SYT1: variants seen among roughly 807,000 people sequenced by gnomAD.
SYT1 encodes synaptotagmin-1.
SYT1 carries 8 observed loss-of-function variants against 44.8 expected under a neutral mutation model. The observed-to-expected ratio is 0.18, with a 90% CI of 0.10 to 0.32. The LOEUF is 0.32. Among genes scored for constraint, SYT1 ranks in the 10% least tolerant of loss-of-function variants. SYT1 has a pLI of 1.00. For missense variants in SYT1, 286 were observed against 509.3 expected, an observed-to-expected ratio of 0.56 and a Z score of 4.22; for synonymous variants, 154 against 188.8, an observed-to-expected ratio of 0.82 and a Z score of 1.51.
Position 78,891,126 on chromosome 12 carries a change from G to T in SYT1, c.-217+26017G>T, listed in dbSNP as rs919162594. On this transcript the variant is annotated intron_variant, in intron 1 of 10. Coordinates refer to ENST00000261205, the MANE Select transcript of SYT1 (RefSeq NM_005639.3). ...TATTTTGTTTTGTTTTCATCTATCAGATCATTAGGCACAAAATGAGCTCTT... is the reference window on the plus strand; with the variant it reads ...TATTTTGTTTTGTTTTCATCTATCATATCATTAGGCACAAAATGAGCTCTT... 4.5e-4 allele frequency among the ~76,000 whole-genome samples: 68 copies of T among 151,754 alleles called. 1 individual carries two copies. The highest frequency in any genetic ancestry group is 1.6e-4 in the Non-Finnish European group (11 of 67,912).
intron 3 of SYT1, among the ~76,000 whole-genome samples, chr12:79,081,507 T>C (rs1315609398): frequency 6.6e-6 from 1 of 151,990 alleles, no homozygotes; most frequent in Non-Finnish European, 1.5e-5. Flanking sequence ...GCCTCCCAAG[T>C]AGCTGGGGTT....
chr12:78,880,953 C>G (rs1430037755), intron 1 of SYT1, among the ~76,000 whole-genome samples: 1 of 151,654 alleles, frequency 6.6e-6, no homozygotes, highest in African/African-American at 2.4e-5. Context: ...TAATCTCACA[C>G]TAATTATTGT....
At chr12:78,938,174 C>T (rs542905335) in intron 1 of SYT1, among the ~76,000 whole-genome samples, 1 of 152,242 alleles carries the variant, frequency 6.6e-6, no homozygotes, top group South Asian at 2.1e-4. Context: ...AGGGTCCCTC[C>T]TCTCCCTTTC....
At chr12:78,929,372 A>G (rs1487728815) in intron 1 of SYT1, among the ~76,000 whole-genome samples, 3 of 129,142 alleles carry the variant, frequency 2.3e-5, no homozygotes, top group Non-Finnish European at 4.8e-5. Context: ...AGTGTACTCC[A>G]GCTCATCAGC....
At chr12:79,124,024 A>T (rs895934311) in intron 3 of SYT1, among the ~76,000 whole-genome samples, 1 of 152,202 alleles carries the variant, frequency 6.6e-6, no homozygotes, top group Non-Finnish European at 1.5e-5. Flanking sequence ...AGGCACTGTG[A>T]CAAAAACCTG....
intron 1 of SYT1, among the ~76,000 whole-genome samples, chr12:78,891,001 T>C (rs2137073520): frequency 1.3e-5 from 2 of 152,094 alleles, no homozygotes; most frequent in South Asian, 4.1e-4. Context: ...TTAATTCTAC[T>C]GATTCCTCAT....
At chr12:79,129,572 G>A (rs1186806521) in intron 3 of SYT1, among the ~76,000 whole-genome samples, 2 of 152,142 alleles carry the variant, frequency 1.3e-5, no homozygotes, top group African/African-American at 4.8e-5. Flanking sequence ...TAATCTAGGA[G>A]GGATTACTTT....
At chr12:78,890,035 T>A (rs1440728941) in intron 1 of SYT1, among the ~76,000 whole-genome samples, 1 of 151,942 alleles carries the variant, frequency 6.6e-6, no homozygotes, top group Non-Finnish European at 1.5e-5. Flanking sequence ...TTTATTTGAT[T>A]AAAAGAAAAA....
chr12:78,999,189 G>A (rs1428146855), intron 2 of SYT1, among the ~76,000 whole-genome samples: 5 of 152,090 alleles, frequency 3.3e-5, no homozygotes, highest in Non-Finnish European at 7.4e-5. Flanking sequence ...ATCTACATTA[G>A]CATCATTCAA....
chr12:78,951,217 T>C (rs1390777234), intron 1 of SYT1, among the ~76,000 whole-genome samples: 8 of 152,144 alleles, frequency 5.3e-5, no homozygotes, highest in Admixed American at 6.6e-5. Context: ...TTTTCTTTTC[T>C]TTTGAGTAAA....
At chr12:79,423,832 A>G (rs996340952) in intron 9 of SYT1, among the ~76,000 whole-genome samples, 9 of 151,976 alleles carry the variant, frequency 5.9e-5, no homozygotes, top group African/African-American at 4.8e-5. Flanking sequence ...AGAGAGAGGA[A>G]GGTGAGAGTG....
chr12:78,883,416 A>G (rs1448152279), intron 1 of SYT1, among the ~76,000 whole-genome samples: 1 of 151,602 alleles, frequency 6.6e-6, no homozygotes. Context: ...TAATACTTTA[A>G]TGTGTGGTTT....
chr12:79,251,863 T>C (rs1877230565), intron 4 of SYT1, among the ~76,000 whole-genome samples: 1 of 152,184 alleles, frequency 6.6e-6, no homozygotes, highest in Non-Finnish European at 1.5e-5. Context: ...GTGTCTAATA[T>C]GCTGACTTCA....
intron 3 of SYT1, among the ~76,000 whole-genome samples, chr12:79,167,365 A>G (rs968194692): frequency 6.6e-6 from 1 of 151,994 alleles, no homozygotes; most frequent in Non-Finnish European, 1.5e-5. Flanking sequence ...ATTGAGAATC[A>G]GTTGTATAGA....
chr12:79,276,973 AGAGGAG>A (rs1037328321), intron 4 of SYT1, among the ~76,000 whole-genome samples: 1 of 138,562 alleles, frequency 7.2e-6, no homozygotes. Context: ...AGGAGGAGGA[AGAGGAG>A]GAGGAGGAGG....
At chr12:79,443,135 C>T (rs915350385) in intron 9 of SYT1, among the ~76,000 whole-genome samples, 2 of 152,220 alleles carry the variant, frequency 1.3e-5, no homozygotes, top group Admixed American at 1.3e-4. Context: ...CTTTAGGGAA[C>T]CTGCTCAGGG....
intron 3 of SYT1, among the ~76,000 whole-genome samples, chr12:79,186,859 C>T (rs1010380161): frequency 6.6e-6 from 1 of 151,960 alleles, no homozygotes; most frequent in Non-Finnish European, 1.5e-5. Flanking sequence ...AAAATAGTCA[C>T]GTTAATTATA....
chr12:79,098,931 C>A (rs1480156384), intron 3 of SYT1, among the ~76,000 whole-genome samples: 1 of 152,088 alleles, frequency 6.6e-6, no homozygotes, highest in Non-Finnish European at 1.5e-5. Context: ...GTATGAGTAT[C>A]GACTTTTTAT....
chr12:78,939,714 GTAAC>G (rs1471704423), intron 1 of SYT1, among the ~76,000 whole-genome samples: 1 of 152,122 alleles, frequency 6.6e-6, no homozygotes, highest in African/African-American at 2.4e-5. Flanking sequence ...ATGTGGCTTG[GTAAC>G]CAGTGTTCAA....
Sources: gnomAD v4.1 joint callset for allele counts (sites outside exome capture counted in the v4.1 genomes callset) on GRCh38, gnomAD v4.1.1 for gene constraint, MANE v1.5 for transcripts, NCBI Gene and HGNC (gene_info 2026-07-23, HGNC 2026-07-21) for gene names.